LRBA: variants seen among roughly 807,000 people sequenced by gnomAD.
The protein encoded by LRBA is lipopolysaccharide-responsive and beige-like anchor protein.
A neutral mutation model predicts 330.0 loss-of-function variants in LRBA; 176 were observed. The observed-to-expected ratio is 0.53, with a 90% confidence interval of 0.47 to 0.60. The LOEUF (loss-of-function observed/expected upper bound fraction) is 0.60. LRBA is among the 20% of genes least tolerant of loss of function. LRBA has a pLI of 0.00. For missense variants in LRBA, 3,259 were observed against 3,444.8 expected, an observed-to-expected ratio of 0.95 and a Z score of 1.35; for synonymous variants, 1,230 against 1,193.0, an observed-to-expected ratio of 1.03 and a Z score of -0.64.
At chr4:150,914,501 G>A (rs539833456) in intron 8 of LRBA, among the ~76,000 whole-genome samples, 160 bp from the exon 9 acceptor site, 7 of 152,210 alleles carry the variant, frequency 4.6e-5, no homozygotes, top group South Asian at 2.1e-4. Context: ...GTTGAAAAAT[G>A]TGTATGTAAT....
At chr4:150,799,673 T>A in intron 33 of LRBA, among the ~76,000 whole-genome samples, 1 of 152,212 alleles carries the variant, frequency 6.6e-6, no homozygotes, top group Non-Finnish European at 1.5e-5. Context: ...GACCTTAAGC[T>A]ATCCAAAATT....
At chr4:150,393,391 T>C (rs1744277327) in intron 47 of LRBA, among the ~76,000 whole-genome samples, 1 of 151,614 alleles carries the variant, frequency 6.6e-6, no homozygotes, top group Admixed American at 6.6e-5. Context: ...ATAAACTCTT[T>C]CTCCCCCCCA....
At chr4:150,513,239 T>C (rs1762011362) in intron 40 of LRBA, among the ~76,000 whole-genome samples, 1 of 152,210 alleles carries the variant, frequency 6.6e-6, no homozygotes, top group African/African-American at 2.4e-5. Context: ...AAGTAGTAAT[T>C]GCCATCTTAT....
At chr4:150,828,925 GTGTGTGTGTGT>G (rs1746718143) in intron 29 of LRBA, among the ~76,000 whole-genome samples, 7 of 107,968 alleles carry the variant, frequency 6.5e-5, no homozygotes, top group Admixed American at 2.5e-4. Flanking sequence ...TTTTGGGGGT[GTGTGTGTGTGT>G]GTGTGTGTGT....
chr4:150,755,457 T>C (rs986964144), intron 35 of LRBA, among the ~76,000 whole-genome samples: 4 of 152,192 alleles, frequency 2.6e-5, no homozygotes, highest in African/African-American at 9.6e-5. Flanking sequence ...TAAGAGGCTA[T>C]GAAAGCTCTT....
intron 2 of LRBA, among the ~76,000 whole-genome samples, chr4:150,972,506 C>T (rs1739691862): frequency 6.6e-6 from 1 of 152,190 alleles, no homozygotes; most frequent in Admixed American, 6.5e-5. Flanking sequence ...AAAACCCTGA[C>T]TTGATCATTA....
chr4:150,504,210 G>C (rs1253441496), intron 40 of LRBA, among the ~76,000 whole-genome samples: 1 of 152,102 alleles, frequency 6.6e-6, no homozygotes, highest in Non-Finnish European at 1.5e-5. Flanking sequence ...TAGCAAGGCA[G>C]GCCAACATTC....
At chr4:150,925,677 T>C (rs1733807063) in intron 4 of LRBA, among the ~76,000 whole-genome samples, 1 of 152,228 alleles carries the variant, frequency 6.6e-6, no homozygotes, top group African/African-American at 2.4e-5. Context: ...TTGTGTTCAT[T>C]TGGTTGTGGG....
At position 150,867,709 on chromosome 4, in the gene LRBA, G is replaced by T. The variant is rs143665533; in HGVS notation, c.2728C>A (p.Arg910Ser). The change falls in exon 22 of 57, where the codon CGT becomes AGT. Residue 910 changes from arginine (R) to serine (S), a missense_variant. Transcript: ENST00000651943. Reference protein sequence around the residue: ...HAVKYEWGGWRVWVDTLSITH... With the variant: ...HAVKYEWGGWSVWVDTLSITH... ...ATTGATAAAGTGTCTACCCATACACGCCAGCCACCCCACTCATATTTGACT... is the reference window on the plus strand; with the variant it reads ...ATTGATAAAGTGTCTACCCATACACTCCAGCCACCCCACTCATATTTGACT... 18 of 1,613,132 alleles carry T rather than the reference G, an allele frequency of 1.1e-5. No homozygotes were observed. Among genetic ancestry groups the T allele is most frequent in the Non-Finnish European group, 1.5e-5 (18 of 1,179,666 alleles).
At chr4:150,435,431 G>C (rs1437310839) in intron 46 of LRBA, among the ~76,000 whole-genome samples, 158 bp downstream of exon 46, 1 of 152,082 alleles carries the variant, frequency 6.6e-6, no homozygotes, top group Non-Finnish European at 1.5e-5. Context: ...TAGAGACAGA[G>C]AGAGACATGC....
At chr4:150,394,782 AAT>A (rs1391709028) in intron 47 of LRBA, among the ~76,000 whole-genome samples, 10 of 152,200 alleles carry the variant, frequency 6.6e-5, no homozygotes, top group African/African-American at 2.4e-4. Context: ...TTTTTGTGAT[AAT>A]ATACTATAAG....
At chr4:150,951,968 T>G (rs147379269) in intron 2 of LRBA, among the ~76,000 whole-genome samples, 1 of 152,266 alleles carries the variant, frequency 6.6e-6, no homozygotes, top group Non-Finnish European at 1.5e-5. Flanking sequence ...ATATGGAAAA[T>G]GAAATTAAAG....
intron 37 of LRBA, among the ~76,000 whole-genome samples, chr4:150,679,028 A>G (rs190972071): frequency 7.6e-4 from 116 of 152,208 alleles, no homozygotes; most frequent in African/African-American, 2.4e-3. Context: ...GGATTTTTTT[A>G]AAGATAGGAC....
intron 35 of LRBA, among the ~76,000 whole-genome samples, chr4:150,737,527 A>AGAAAG (rs1344628755): frequency 6.6e-6 from 1 of 151,118 alleles, no homozygotes; most frequent in Non-Finnish European, 1.5e-5. Context: ...AAAAGAAAAA[A>AGAAAG]GAAAAGAAAA....
intron 40 of LRBA, among the ~76,000 whole-genome samples, chr4:150,538,500 G>A (rs1764929937): frequency 6.6e-6 from 1 of 152,156 alleles, no homozygotes; most frequent in Non-Finnish European, 1.5e-5. Flanking sequence ...CGTGCATGCA[G>A]CTGGAAGCCA....
intron 14 of LRBA, 56 bp from the exon 15 acceptor site, chr4:150,897,874 A>G (rs1730278741): frequency 8.5e-7 from 1 of 1,177,928 alleles, no homozygotes; most frequent in Admixed American, 1.8e-5. Context: ...CAAAGCTGTC[A>G]AAGTATAAAA....
At chr4:150,655,315 A>C (rs1298794321) in intron 37 of LRBA, among the ~76,000 whole-genome samples, 3 of 152,178 alleles carry the variant, frequency 2.0e-5, no homozygotes, top group Non-Finnish European at 2.9e-5. Context: ...CTTCCAAAGC[A>C]GTGTATATTC....
intron 40 of LRBA, among the ~76,000 whole-genome samples, chr4:150,578,907 G>A (rs1770870559): frequency 6.6e-6 from 1 of 152,164 alleles, no homozygotes; most frequent in Admixed American, 6.5e-5. Flanking sequence ...TGCCAATGTT[G>A]GCACTGCCTA....
chr4:150,604,743 T>G (rs532196864), intron 37 of LRBA, among the ~76,000 whole-genome samples: 17 of 152,308 alleles, frequency 1.1e-4, no homozygotes, highest in Middle Eastern at 3.4e-3. Context: ...CAATGCTCAC[T>G]GTACATTACT....
Sources: gnomAD v4.1 joint callset for allele counts (sites outside exome capture counted in the v4.1 genomes callset) on GRCh38, gnomAD v4.1.1 for gene constraint, MANE v1.5 for transcripts, NCBI Gene and HGNC (gene_info 2026-07-23, HGNC 2026-07-21) for gene names.